The following PKHD1 variants were observed in gnomAD, a reference collection of about 807,000 sequenced individuals.
The protein encoded by PKHD1 is fibrocystin.
Under a neutral mutation model 412.0 loss-of-function variants are expected in PKHD1, and 291 were observed. The observed-to-expected ratio is 0.71, with a 90% confidence interval of 0.64 to 0.78. The LOEUF (loss-of-function observed/expected upper bound fraction) is 0.78. Among genes scored for constraint, PKHD1 ranks in the 30% least tolerant of loss-of-function variants. PKHD1 has a pLI of 0.00. For synonymous variants in PKHD1, 1,777 were observed against 1,821.5 expected (o/e 0.98, Z 0.62); for missense variants, 4,825 against 4,950.7 (o/e 0.97, Z 0.76).
intron 43 of PKHD1, among the ~76,000 whole-genome samples, chr6:51,889,075 A>T (rs764473005): frequency 6.6e-6 from 1 of 152,086 alleles, no homozygotes; most frequent in Non-Finnish European, 1.5e-5. Flanking sequence ...CCTGTGCTAC[A>T]TAGATGAAGG....
rs528016463 is a variant in PKHD1 at position 51,860,621 on chromosome 6, C to T, written c.7734-4551G>A. 4.5e-4 allele frequency among the ~76,000 whole-genome samples: 69 copies of T among 152,276 alleles called. 1 individual carries two copies. The South Asian group carries it at 5.8e-3, about 13-fold the overall frequency. On this transcript the variant is annotated intron_variant, in intron 48 of 66. Transcript: ENST00000371117. ...CTAGGGGAAGAAGTCTCTCCCTGAA[C>T]TTCTCATGGCTTTATGTGCAAGAAA...
chr6:51,671,922 C>T (rs1184604403), intron 60 of PKHD1, among the ~76,000 whole-genome samples: 2 of 152,178 alleles, frequency 1.3e-5, no homozygotes. Context: ...TCTCCAGCTG[C>T]ATGCTGGGAG....
intron 50 of PKHD1, among the ~76,000 whole-genome samples, chr6:51,842,624 T>C (rs1770420325): frequency 6.6e-6 from 1 of 152,198 alleles, no homozygotes; most frequent in South Asian, 2.1e-4. Flanking sequence ...CCTCCTGTTT[T>C]GGGCAAGTCC....
intron 39 of PKHD1, 99 bp from the exon 40 acceptor site, chr6:51,909,573 C>T (rs1159889181): frequency 1.5e-5 from 13 of 859,558 alleles, no homozygotes; most frequent in Non-Finnish European, 2.4e-5. Flanking sequence ...CGAGGAAAAA[C>T]CATTACTGTT....
At chr6:51,868,251 T>C (rs1583116219) in intron 47 of PKHD1, 142 bp from the exon 48 acceptor site, 1 of 789,810 alleles carries the variant, frequency 1.3e-6, no homozygotes, top group South Asian at 1.6e-5. Flanking sequence ...AAGTGTTTTC[T>C]GTGGGTGTTT....
chr6:51,659,187 G>A lies in PKHD1; in HGVS notation c.10939C>T (p.His3647Tyr). Residue 3647 changes from histidine (H) to tyrosine (Y), a missense_variant, in exon 61 of 67, where the codon CAT becomes TAT. His to Tyr is a moderately conservative substitution (Grantham distance 83). Transcript: ENST00000371117. ...RRPLMMEMNS[H>Y]RASPPMTVET... ...ACAGTCATTGGGGGTGAAGCCCTAT[G>A]TGAGTTCATTTCCATCATGAGAGGC... 1.9e-6 allele frequency: 3 copies of A among 1,613,724 alleles called. No individual in the cohort carries two copies. Among genetic ancestry groups the A allele is most frequent in the Non-Finnish European group, 2.5e-6 (3 of 1,179,772 alleles).
intron 52 of PKHD1, among the ~76,000 whole-genome samples, chr6:51,816,788 C>T (rs1381432717): frequency 6.6e-6 from 1 of 152,264 alleles, no homozygotes; most frequent in East Asian, 1.9e-4. Flanking sequence ...TCCTCTGCCA[C>T]ATGGCTGCAC....
intron 52 of PKHD1, among the ~76,000 whole-genome samples, chr6:51,820,895 A>C (rs1766298313): frequency 6.6e-6 from 1 of 152,224 alleles, no homozygotes; most frequent in Non-Finnish European, 1.5e-5. Flanking sequence ...ATGATTGGGA[A>C]ATCATGAATT....
In PKHD1 at chr6:51,618,861, T is replaced by C. The variant is rs751649423; in HGVS notation, c.*220A>G. ...AACAAGTGCCATTATTTGCCTAGCA[T>C]TGAACTAGGATCATGATAGCTGCAA... On this transcript the variant is annotated 3_prime_UTR_variant, in exon 67 of 67. Transcript: ENST00000371117. 36 of 587,650 alleles carry C rather than the reference T, an allele frequency of 6.1e-5. No homozygotes were observed. Among genetic ancestry groups the C allele is most frequent in the East Asian group, 4.1e-4 (14 of 34,182 alleles). The allele number at this position is 587,650 out of a possible 1,614,324, so 36.4% of individuals were successfully genotyped here.
At chr6:51,901,434 A>G (rs1781263148) in intron 43 of PKHD1, among the ~76,000 whole-genome samples, 1 of 151,034 alleles carries the variant, frequency 6.6e-6, no homozygotes, top group Non-Finnish European at 1.5e-5. Flanking sequence ...AAAACCAAAC[A>G]CCGCATATTC....
intron 60 of PKHD1, among the ~76,000 whole-genome samples, chr6:51,726,119 T>C (rs1010853112): frequency 3.3e-5 from 5 of 152,190 alleles, no homozygotes. Context: ...GGGTAGGTCA[T>C]AGATGTGTCT....
At chr6:52,010,219 A>T in intron 35 of PKHD1, 90 bp downstream of exon 35, 2 of 1,142,338 alleles carry the variant, frequency 1.8e-6, no homozygotes, top group South Asian at 1.3e-5. Context: ...TATCGCTGCC[A>T]TTTGGACTAA....
chr6:51,919,472 T>A (rs1483610289), intron 37 of PKHD1, among the ~76,000 whole-genome samples: 1 of 152,226 alleles, frequency 6.6e-6, no homozygotes, highest in African/African-American at 2.4e-5. Context: ...GGCTCTGTTC[T>A]GTTCCATTGG....
chr6:51,723,933 T>C (rs2150843774), intron 60 of PKHD1, among the ~76,000 whole-genome samples: 1 of 152,288 alleles, frequency 6.6e-6, no homozygotes, highest in East Asian at 1.9e-4. Context: ...TCTAAGCTTC[T>C]CTTATTTCTA....
chr6:51,847,315 TGG>T (rs1771363537), intron 50 of PKHD1, among the ~76,000 whole-genome samples: 1 of 148,546 alleles, frequency 6.7e-6, no homozygotes, highest in Non-Finnish European at 1.5e-5. Context: ...CTGCCCTGGC[TGG>T]TCTCAAACTC....
rs570493680 is a variant in PKHD1 at position 51,774,907 on chromosome 6, TTTAG to T, written c.8554+897_8554+900del. On this transcript the variant is annotated intron_variant, in intron 54 of 66. Transcript: ENST00000371117. ...CTTTAAAAATGTTCATATTTTTTCT[TTTAG>T]TTAATTTTTTTCTCACTTATATAAT... Among the ~76,000 whole-genome samples the T allele has an allele frequency of 1.5e-4, 23 of 151,940 alleles. 1 individual carries two copies. The South Asian group carries it at 2.3e-3, about 15-fold the overall frequency.
chr6:52,043,863 T>C, intron 25 of PKHD1, 133 bp from the exon 26 acceptor site: 1 of 656,034 alleles, frequency 1.5e-6, no homozygotes, highest in Non-Finnish European at 2.8e-6. Context: ...TTTTCTATTT[T>C]TCCAGTAATT....
chr6:51,820,519 A>G (rs1343930424), intron 52 of PKHD1, among the ~76,000 whole-genome samples: 1 of 152,180 alleles, frequency 6.6e-6, no homozygotes, highest in Non-Finnish European at 1.5e-5. Context: ...AGAGGAGCAT[A>G]TTATATCACA....
At chr6:51,797,814 G>T (rs947428868) in intron 52 of PKHD1, among the ~76,000 whole-genome samples, 2 of 152,096 alleles carry the variant, frequency 1.3e-5, no homozygotes, top group Non-Finnish European at 2.9e-5. Context: ...TTTAATGCTA[G>T]TATTGATATT....
Sources: gnomAD v4.1 joint callset for allele counts (sites outside exome capture counted in the v4.1 genomes callset) on GRCh38, gnomAD v4.1.1 for gene constraint, MANE v1.5 for transcripts, NCBI Gene and HGNC (gene_info 2026-07-23, HGNC 2026-07-21) for gene names.